FRYL: variants seen among roughly 807,000 people sequenced by gnomAD.
FRYL encodes FRY like transcription coactivator, also known as protein furry homolog-like.
A neutral mutation model predicts 351.2 loss-of-function variants in FRYL; 150 were observed. The observed-to-expected ratio is 0.43, with a 90% CI of 0.37 to 0.49. The LOEUF (loss-of-function observed/expected upper bound fraction) is 0.49, where lower values mean the gene tolerates loss of function less well. Among genes scored for constraint, FRYL ranks in the 20% least tolerant of loss-of-function variants. The pLI is 0.00. For synonymous variants in FRYL, 1,153 were observed against 1,257.1 expected (o/e 0.92, Z 1.75); for missense variants, 3,036 against 3,619.3 (o/e 0.84, Z 4.13).
intron 1 of FRYL, among the ~76,000 whole-genome samples, chr4:48,716,429 G>T (rs1768837421): frequency 6.6e-6 from 1 of 151,334 alleles, no homozygotes; most frequent in African/African-American, 2.4e-5. Context: ...AAATTTACAA[G>T]AAAAAAACAA....
intron 62 of FRYL, among the ~76,000 whole-genome samples, chr4:48,500,875 G>A (rs1719445306): frequency 6.6e-6 from 1 of 152,106 alleles, no homozygotes; most frequent in Non-Finnish European, 1.5e-5. Context: ...CCTGAGGTCA[G>A]GAGTTTGAGA....
chr4:48,519,579 T>C (rs1724444345), intron 55 of FRYL, among the ~76,000 whole-genome samples: 1 of 151,934 alleles, frequency 6.6e-6, no homozygotes. Flanking sequence ...CTCGGCTCCC[T>C]GTAACCTCCG....
Position 48,497,900 on chromosome 4 carries a change from T to C in FRYL, c.*1522A>G, listed in dbSNP as rs1393231236. 2 of 152,542 alleles carry C rather than the reference T, an allele frequency of 1.3e-5. No homozygotes were observed. The highest frequency in any genetic ancestry group is 4.8e-5 in the African/African-American group (2 of 41,408). 9.4% of individuals were successfully genotyped at this position (152,542 alleles called of 1,614,324 possible). On this transcript the variant is annotated 3_prime_UTR_variant, in exon 64 of 64. Transcript: ENST00000358350. ...ATGCACTTGAGCATACGTAATTACA[T>C]TTCTGGCAGGGTCCACACCCCCCAA...
chr4:48,563,429 G>C (rs1401208481), intron 31 of FRYL, among the ~76,000 whole-genome samples: 1 of 152,096 alleles, frequency 6.6e-6, no homozygotes, highest in African/African-American at 2.4e-5. Context: ...AAAAATATGA[G>C]GGAAAGGCCA....
intron 60 of FRYL, among the ~76,000 whole-genome samples, chr4:48,503,763 C>T (rs1720273257): frequency 6.6e-6 from 1 of 152,146 alleles, no homozygotes; most frequent in African/African-American, 2.4e-5. Flanking sequence ...AACTTTAGCT[C>T]CATGCTGCTT....
chr4:48,521,045 C>G lies in FRYL; in HGVS notation c.7689+3G>C. On this transcript the variant is annotated splice_donor_region_variant and intron_variant, in intron 55 of 63. Coordinates refer to ENST00000358350, the MANE Select transcript of FRYL (RefSeq NM_015030.2). ...CCATGCACCAGCCTCCATTTCTCCC[C>G]ACCTCAGGCAGCCGGCTGTTAGCAT... The G allele has an allele frequency of 6.2e-7, 1 of 1,606,832 alleles. No individual in the cohort carries two copies. Among genetic ancestry groups the G allele is most frequent in the Non-Finnish European group, 8.5e-7 (1 of 1,176,264 alleles).
chr4:48,670,060 C>G (rs1473793362), intron 3 of FRYL, among the ~76,000 whole-genome samples: 1 of 151,916 alleles, frequency 6.6e-6, no homozygotes. Context: ...AATGGAGTAC[C>G]CATCACCTCA....
At position 48,576,303 on chromosome 4, in the gene FRYL, T is replaced by TC. The variant is rs1039562916; in HGVS notation, c.2529-82dup. 14 of 1,068,574 alleles carry TC rather than the reference T, an allele frequency of 1.3e-5. No individual in the cohort carries two copies. In the Admixed American group the frequency reaches 4.2e-4, roughly 32 times the overall value. The allele number at this position is 1,068,574 out of a possible 1,614,324, so 66.2% of individuals were successfully genotyped here. A position where few individuals can be genotyped will look rare whatever the true frequency, so the allele number is the denominator to read the frequency against. On this transcript the variant is annotated intron_variant, in intron 23 of 63. Transcript: ENST00000358350. ...AGTTTATTTTAACTAATGCTAAATT[T>TC]CTTTTTTTTTTTTTTTGAGACAGAG... is the stretch of plus-strand genomic sequence containing the variant.
chr4:48,524,731 A>T (rs1467548105), intron 53 of FRYL, among the ~76,000 whole-genome samples: 1 of 152,218 alleles, frequency 6.6e-6, no homozygotes, highest in Non-Finnish European at 1.5e-5. Flanking sequence ...AGGTTCTATT[A>T]AAAGCCATGT....
At chr4:48,761,007 CTG>C (rs57872533) in intron 1 of FRYL, among the ~76,000 whole-genome samples, 24,436 of 134,332 alleles carry the variant, frequency 0.18, 2,456 homozygotes, top group Admixed American at 0.32. Context: ...ATTACTCTGT[CTG>C]TGTGTGTGTG....
At chr4:48,750,200 C>T (rs535586928) in intron 1 of FRYL, among the ~76,000 whole-genome samples, 35 of 150,426 alleles carry the variant, frequency 2.3e-4, no homozygotes, top group African/African-American at 7.6e-4. Flanking sequence ...GTGGCTCACG[C>T]GTATAATACT....
At chr4:48,722,436 T>C (rs1295893097) in intron 1 of FRYL, among the ~76,000 whole-genome samples, 4 of 152,222 alleles carry the variant, frequency 2.6e-5, no homozygotes, top group African/African-American at 9.6e-5. Context: ...CACTACTGAC[T>C]TTCTCAAGCT....
At chr4:48,574,367 T>C (rs1365697297) in intron 25 of FRYL, 1 of 152,210 alleles carries the variant, frequency 6.6e-6, no homozygotes, top group Non-Finnish European at 1.5e-5. Flanking sequence ...AAAATCTTTT[T>C]CCAAAACTTC....
chr4:48,541,828 A>C (rs1489289888), intron 45 of FRYL, among the ~76,000 whole-genome samples, 199 bp downstream of exon 45: 4 of 152,172 alleles, frequency 2.6e-5, no homozygotes, highest in Non-Finnish European at 5.9e-5. Flanking sequence ...AGCACATTAG[A>C]AGAAGAACAG....
chr4:48,557,662 G>C lies in FRYL; in HGVS notation c.3916C>G (p.Leu1306Val). The C allele has an allele frequency of 6.2e-7, 1 of 1,614,162 alleles. No homozygotes were observed. Among genetic ancestry groups the C allele is most frequent in the Non-Finnish European group, 8.5e-7 (1 of 1,180,018 alleles). The stretch of plus-strand genomic sequence containing the variant: ...TTCATCCATGGTAGCAGGTAGTGCA[G>C]CATCACCTGCCGCCCAGCAGGGTGA... ...TAHPAGRQVM[L>V]HYLLPWMNNI... Residue 1306 changes from leucine (L) to valine (V), a missense_variant, in exon 34 of 64, where the codon CTG (leucine) becomes GTG (valine). Physicochemically the swap from Leu to Val is conservative, Grantham distance 32. This residue lies in a region of FRYL where 1,987 missense variants were observed against 2,311.7 expected (regional missense o/e 0.86). Coordinates refer to ENST00000358350, the MANE Select transcript of FRYL (RefSeq NM_015030.2).
chr4:48,760,475 G>A (rs939580058), intron 1 of FRYL, among the ~76,000 whole-genome samples: 4 of 152,032 alleles, frequency 2.6e-5, no homozygotes, highest in Non-Finnish European at 5.9e-5. Context: ...TTATTATATA[G>A]TCTGCAAATA....
chr4:48,640,025 G>A (rs1318610422), intron 3 of FRYL, among the ~76,000 whole-genome samples: 6 of 152,162 alleles, frequency 3.9e-5, no homozygotes, highest in African/African-American at 9.6e-5. Flanking sequence ...GGGTGAGGAC[G>A]TGGAGCAACA....
chr4:48,628,392 G>A (rs1370974503), intron 4 of FRYL, among the ~76,000 whole-genome samples: 2 of 150,720 alleles, frequency 1.3e-5, no homozygotes, highest in African/African-American at 4.9e-5. Flanking sequence ...TCTGGGTACA[G>A]AAAAAATGTG....
chr4:48,663,098 C>A (rs1452114410), intron 3 of FRYL, among the ~76,000 whole-genome samples: 1 of 151,876 alleles, frequency 6.6e-6, no homozygotes. Context: ...TTTAAATGTC[C>A]TTTCAAAGTT....
Sources: gnomAD v4.1 joint callset for allele counts (sites outside exome capture counted in the v4.1 genomes callset) on GRCh38, gnomAD v4.1.1 for gene constraint, gnomAD v4.1.1 regional missense constraint, MANE v1.5 for transcripts, NCBI Gene and HGNC (gene_info 2026-07-23, HGNC 2026-07-21) for gene names.